UBQLNL: variants seen among roughly 807,000 people sequenced by gnomAD.
UBQLNL encodes the protein ubiquilin-like protein.
For synonymous variants in UBQLNL, 223 were observed against 209.7 expected, an observed-to-expected ratio of 1.06 and a Z score of -0.55; for missense variants, 589 against 567.1, an observed-to-expected ratio of 1.04 and a Z score of -0.39.
At position 5,515,038 on chromosome 11, in the gene UBQLNL, C is replaced by T; in HGVS notation, c.1404G>A (p.Gln468=). 2 of 1,614,006 alleles carry T rather than the reference C, an allele frequency of 1.2e-6. No homozygotes were observed. The highest frequency in any genetic ancestry group is 1.7e-6 in the Non-Finnish European group (2 of 1,179,984). The change falls in exon 1 of 1, where the codon CAG becomes CAA. Residue 468 remains glutamine (Q), a synonymous_variant. Transcript: ENST00000380184. ...QQLPTFLQQT[Q]ISDLLSA ...CCTAAGCACTAAGCAGATCAGAAATCTGTGTCTGCTGCAGGAATGTGGGCA... is the reference window on the plus strand; with the variant it reads ...CCTAAGCACTAAGCAGATCAGAAATTTGTGTCTGCTGCAGGAATGTGGGCA...
In UBQLNL at chr11:5,515,882, T is replaced by G. The variant is rs1395771284; in HGVS notation, c.560A>C (p.Asn187Thr). ...AATGAACTGCCACATGAACTCCATG[T>G]TGGACAGAAGCCGCTGGATGCTAGG... ...ENPSIQRLLS[N>T]MEFMWQFISE... The change falls in exon 1 of 1, where the codon AAC (asparagine) becomes ACC (threonine). Residue 187 changes from asparagine (N) to threonine (T), a missense_variant. Transcript: ENST00000380184. The G allele has an allele frequency of 6.2e-7, 1 of 1,614,164 alleles. No individual in the cohort carries two copies. Among genetic ancestry groups the G allele is most frequent in the Non-Finnish European group, 8.5e-7 (1 of 1,180,032 alleles).
rs140922068 is a variant in UBQLNL at position 5,515,742 on chromosome 11, T to C, written c.700A>G (p.Met234Val). 33 of 1,614,136 alleles carry C rather than the reference T, an allele frequency of 2.0e-5. No individual in the cohort carries two copies. In the African/African-American group the frequency reaches 2.5e-4, roughly 12 times the overall value. Residue 234 changes from methionine (M) to valine (V), a missense_variant, in exon 1 of 1, where the codon ATG (methionine) becomes GTG (valine). Transcript: ENST00000380184. The part of the protein sequence containing the change: ...QTLELARNLA[M>V]IQEIMQIQQP... ...TGGATCTGCATTATCTCTTGGATCA[T>C]AGCAAGGTTCCTGGCCAGCTCCAGA...
In UBQLNL at chr11:5,514,890, G is replaced by C; in HGVS notation, c.*124C>G. Reference sequence around the variant, plus strand: ...TGTGTCAGGATAGCTGCAGCTGGGGGCAGGAAGCCAACCCAGGCCCCATAG... The same window carrying C: ...TGTGTCAGGATAGCTGCAGCTGGGGCCAGGAAGCCAACCCAGGCCCCATAG... On this transcript the variant is annotated 3_prime_UTR_variant, in exon 1 of 1. Coordinates refer to ENST00000380184, the MANE Select transcript of UBQLNL (RefSeq NM_145053.5). 1.1e-6 allele frequency: 1 copy of C among 895,248 alleles called. No individual in the cohort carries two copies. Among genetic ancestry groups the C allele is most frequent in the Non-Finnish European group, 1.7e-6 (1 of 581,418 alleles). The allele number at this position is 895,248 out of a possible 1,614,324, so 55.5% of individuals were successfully genotyped here.
At position 5,515,099 on chromosome 11, in the gene UBQLNL, C is replaced by A. The variant is rs757607414; in HGVS notation, c.1343G>T (p.Ser448Ile). Residue 448 changes from serine (S) to isoleucine (I), a missense_variant, in exon 1 of 1, where the codon AGT becomes ATT. Physicochemically the swap from Ser to Ile is moderately radical, Grantham distance 142. Coordinates refer to ENST00000380184, the MANE Select transcript of UBQLNL (RefSeq NM_145053.5). ...CCACTGTTCACTCAGCTGGGGCATA[C>A]TTGTGAACAACATAATCTGAGCTGC... ...YLAAQIMLFT[S>I]MPQLSEQWRQ... 33 of 1,614,234 alleles carry A rather than the reference C, an allele frequency of 2.0e-5. No individual in the cohort carries two copies. Among genetic ancestry groups the A allele is most frequent in the Non-Finnish European group, 2.7e-5 (32 of 1,180,028 alleles).
chr11:5,515,548 C>A lies in UBQLNL; in HGVS notation c.894G>T (p.Leu298=). 1 of 1,614,076 alleles carries A rather than the reference C, an allele frequency of 6.2e-7. No homozygotes were observed. The highest frequency in any genetic ancestry group is 1.3e-5 in the African/African-American group (1 of 75,036). The part of the protein sequence containing the change: ...PFGGNPFTAL[L]AGQVLEQVQS... ...GGACTTGTTCTAGCACTTGTCCTGC[C>A]AGGAGAGCTGTGAAAGGGTTTCCTC... The change falls in exon 1 of 1, where the codon CTG becomes CTT. Residue 298 remains leucine (L), a synonymous_variant. Coordinates refer to ENST00000380184, the MANE Select transcript of UBQLNL (RefSeq NM_145053.5).
Position 5,515,776 on chromosome 11 carries a change from T to C in UBQLNL, c.666A>G (p.Leu222=), listed in dbSNP as rs746843680. 1.9e-6 allele frequency: 3 copies of C among 1,614,080 alleles called. No homozygotes were observed. The highest frequency in any genetic ancestry group is 2.5e-6 in the Non-Finnish European group (3 of 1,180,004). The change falls in exon 1 of 1, where the codon CTA becomes CTG. Residue 222 remains leucine (L), a synonymous_variant. Coordinates refer to ENST00000380184, the MANE Select transcript of UBQLNL (RefSeq NM_145053.5). ...TCCTGGCCAGCTCCAGAGTCTGCAA[T>C]AGGATCTCAGAATTATCAAGAAGAA... is the stretch of plus-strand genomic sequence containing the variant. The part of the protein sequence containing the change: ...SRLLLDNSEI[L]LQTLELARNL...
rs1846524603 is a variant in UBQLNL, at chr11:5,515,759, A to C, written c.683T>G (p.Leu228Arg). 6.2e-7 allele frequency: 1 copy of C among 1,614,032 alleles called. No individual in the cohort carries two copies. The highest frequency in any genetic ancestry group is 1.7e-5 in the Admixed American group (1 of 59,998). Residue 228 changes from leucine (L) to arginine (R), a missense_variant, in exon 1 of 1, where the codon CTG (leucine) becomes CGG (arginine). Physicochemically the swap from Leu to Arg is moderately radical, Grantham distance 102. Transcript: ENST00000380184. ...TTGGATCATAGCAAGGTTCCTGGCC[A>C]GCTCCAGAGTCTGCAATAGGATCTC... ...NSEILLQTLE[L>R]ARNLAMIQEI...
In UBQLNL at chr11:5,514,683, T is replaced by C. The variant is rs1247268580; in HGVS notation, c.*331A>G. ...GAGTGCCTGTAGATTGGCATGGTGG[T>C]TCCCAAATCCCATGGCCTGGAGAGA... On this transcript the variant is annotated 3_prime_UTR_variant, in exon 1 of 1. Coordinates refer to ENST00000380184, the MANE Select transcript of UBQLNL (RefSeq NM_145053.5). 1 of 268,006 alleles carries C rather than the reference T, an allele frequency of 3.7e-6. No homozygotes were observed. Among genetic ancestry groups the C allele is most frequent in the Non-Finnish European group, 7.1e-6 (1 of 141,640 alleles). The allele number at this position is 268,006 out of a possible 1,614,324, so 16.6% of individuals were successfully genotyped here.
rs1289117492 is a variant in UBQLNL at position 5,515,481 on chromosome 11, CTTG to C, written c.958_960del (p.Gln320del). ...GTTGCAGGATGCTGTGTGAGCTGGTCTTGTTGTTCCTGTGATGGTGGTGGAGGT... is the reference window on the plus strand; with the variant it reads ...GTTGCAGGATGCTGTGTGAGCTGGTCTTGTTCCTGTGATGGTGGTGGAGGT... On this transcript the variant is annotated inframe_deletion, in exon 1 of 1. Transcript: ENST00000380184. The C allele has an allele frequency of 8.7e-6, 14 of 1,613,866 alleles. No individual in the cohort carries two copies. The highest frequency in any genetic ancestry group is 2.2e-5 in the East Asian group (1 of 44,864).
In UBQLNL at chr11:5,516,184, G is replaced by A. The variant is rs1403852156; in HGVS notation, c.258C>T (p.Ser86=). The A allele has an allele frequency of 1.1e-5, 17 of 1,614,008 alleles. No individual in the cohort carries two copies. Among genetic ancestry groups the A allele is most frequent in the African/African-American group, 4.0e-5 (3 of 74,902 alleles). ...GCLLKDHDTL[S]QRGIMDGHTI... ...TGTGGCCATCCATGATGCCCCTCTG[G>A]CTCAGTGTGTCATGGTCTTTGAGAA... The change falls in exon 1 of 1, where the codon AGC becomes AGT. Residue 86 remains serine, a synonymous_variant. Transcript: ENST00000380184.
In UBQLNL at chr11:5,514,887, G is replaced by A. The variant is rs1846507115; in HGVS notation, c.*127C>T. ...CACTGTGTCAGGATAGCTGCAGCTG[G>A]GGGCAGGAAGCCAACCCAGGCCCCA... On this transcript the variant is annotated 3_prime_UTR_variant, in exon 1 of 1. Transcript: ENST00000380184. 1.2e-6 allele frequency: 1 copy of A among 846,100 alleles called. No individual in the cohort carries two copies. The highest frequency in any genetic ancestry group is 1.9e-6 in the Non-Finnish European group (1 of 536,988). 52.4% of individuals were successfully genotyped at this position (846,100 alleles called of 1,614,324 possible). A position where few individuals can be genotyped will look rare whatever the true frequency, so the allele number is the denominator to read the frequency against.
chr11:5,515,137 G>C lies in UBQLNL; in HGVS notation c.1305C>G (p.Asn435Lys). The change falls in exon 1 of 1, where the codon AAC (asparagine) becomes AAG (lysine). Residue 435 changes from asparagine to lysine, a missense_variant. Asn to Lys is a moderately conservative substitution (Grantham distance 94). Coordinates refer to ENST00000380184, the MANE Select transcript of UBQLNL (RefSeq NM_145053.5). ...ITGGMMQLLMNNPYLAAQIML... is the reference protein window; with the variant it reads ...ITGGMMQLLMKNPYLAAQIML... ...TAATCTGAGCTGCCAGGTAGGGGTT[G>C]TTCATAAGCAACTGCATCATGCCTC... 1 of 1,614,264 alleles carries C rather than the reference G, an allele frequency of 6.2e-7. No individual in the cohort carries two copies.
In UBQLNL at chr11:5,515,024, A is replaced by G. The variant is rs769513091; in HGVS notation, c.1418T>C (p.Leu473Pro). 2.4e-5 allele frequency: 38 copies of G among 1,613,564 alleles called. No individual in the cohort carries two copies. Among genetic ancestry groups the G allele is most frequent in the Non-Finnish European group, 3.1e-5 (37 of 1,179,914 alleles). ...ATGCTTTAGGGTTGCCTAAGCACTA[A>G]GCAGATCAGAAATCTGTGTCTGCTG... ...FLQQTQISDLLSA is the reference protein window; with the variant it reads ...FLQQTQISDLPSA Residue 473 changes from leucine (L) to proline (P), a missense_variant, in exon 1 of 1, where the codon CTT becomes CCT. Transcript: ENST00000380184.
rs776253410 is a variant in UBQLNL, at chr11:5,514,984, G to A, written c.*30C>T. The A allele has an allele frequency of 1.3e-6, 2 of 1,594,062 alleles. No homozygotes were observed. The highest frequency in any genetic ancestry group is 1.7e-5 in the Admixed American group (1 of 59,456). On this transcript the variant is annotated 3_prime_UTR_variant, in exon 1 of 1. Transcript: ENST00000380184. ...AGCAGCTGGAGGGCCTGCTCAATCT[G>A]CAATATTGCTTGGAATGCTTTAGGG...
At position 5,515,384 on chromosome 11, in the gene UBQLNL, T is replaced by C; in HGVS notation, c.1058A>G (p.Asn353Ser). The C allele has an allele frequency of 6.2e-7, 1 of 1,614,182 alleles. No homozygotes were observed. The highest frequency in any genetic ancestry group is 1.3e-5 in the African/African-American group (1 of 75,024). Residue 353 changes from asparagine to serine, a missense_variant, in exon 1 of 1, where the codon AAC becomes AGC. Asn to Ser is a conservative substitution (Grantham distance 46). Transcript: ENST00000380184. ...AGCAGTGTTGGCTTTGGAAGTGTGG[T>C]TGACCTTGTTAAGGGTGTCATTGGC... The part of the protein sequence containing the change: ...TSANDTLNKV[N>S]HTSKANTAMI...
Position 5,514,851 on chromosome 11 carries a change from C to T in UBQLNL, c.*163G>A, listed in dbSNP as rs774216381. 7.3e-6 allele frequency: 5 copies of T among 681,996 alleles called. No individual in the cohort carries two copies. Among genetic ancestry groups the T allele is most frequent in the South Asian group, 1.9e-5 (1 of 53,870 alleles). 42.2% of individuals were successfully genotyped at this position (681,996 alleles called of 1,614,324 possible). A position where few individuals can be genotyped will look rare whatever the true frequency, so the allele number is the denominator to read the frequency against. ...GGGCTCAGCTGTATCTGAAACATTCCAGGAACAGGGCACTGTGTCAGGATA... is the reference window on the plus strand; with the variant it reads ...GGGCTCAGCTGTATCTGAAACATTCTAGGAACAGGGCACTGTGTCAGGATA... On this transcript the variant is annotated 3_prime_UTR_variant, in exon 1 of 1. Transcript: ENST00000380184.
Position 5,514,881 on chromosome 11 carries a change from C to T in UBQLNL, c.*133G>A. 1 of 799,456 alleles carries T rather than the reference C, an allele frequency of 1.3e-6. No homozygotes were observed. The allele number at this position is 799,456 out of a possible 1,614,324, so 49.5% of individuals were successfully genotyped here. A position where few individuals can be genotyped will look rare whatever the true frequency, so the allele number is the denominator to read the frequency against. On this transcript the variant is annotated 3_prime_UTR_variant, in exon 1 of 1. Transcript: ENST00000380184. ...ACAGGGCACTGTGTCAGGATAGCTG[C>T]AGCTGGGGGCAGGAAGCCAACCCAG...
rs775053120 is a variant in UBQLNL, at chr11:5,515,757, C to A, written c.685G>T (p.Ala229Ser). 8 of 1,614,012 alleles carry A rather than the reference C, an allele frequency of 5.0e-6. No individual in the cohort carries two copies. Among genetic ancestry groups the A allele is most frequent in the Non-Finnish European group, 6.8e-6 (8 of 1,180,032 alleles). ...SEILLQTLEL[A>S]RNLAMIQEIM... is the part of the protein sequence containing the mutation. ...TCTTGGATCATAGCAAGGTTCCTGG[C>A]CAGCTCCAGAGTCTGCAATAGGATC... The change falls in exon 1 of 1, where the codon GCC becomes TCC. Residue 229 changes from alanine to serine, a missense_variant. Physicochemically the swap from Ala to Ser is moderately conservative, Grantham distance 99. Coordinates refer to ENST00000380184, the MANE Select transcript of UBQLNL (RefSeq NM_145053.5).
Position 5,516,281 on chromosome 11 carries a change from T to A in UBQLNL, c.161A>T (p.Gln54Leu). ...GTGAGCCAATAGCATCTCCTTGAAC[T>A]GCCTTACCGAGATGTCATCAGCTAC... ...FMVADDISVRQFKEMLLAHFQ... is the reference protein window; with the variant it reads ...FMVADDISVRLFKEMLLAHFQ... Residue 54 changes from glutamine (Q) to leucine (L), a missense_variant, in exon 1 of 1, where the codon CAG (glutamine) becomes CTG (leucine). Coordinates refer to ENST00000380184, the MANE Select transcript of UBQLNL (RefSeq NM_145053.5). 6.2e-7 allele frequency: 1 copy of A among 1,614,212 alleles called. No individual in the cohort carries two copies. Among genetic ancestry groups the A allele is most frequent in the Non-Finnish European group, 8.5e-7 (1 of 1,180,014 alleles).
Sources: allele counts gnomAD v4.1 joint callset, GRCh38; gene constraint gnomAD v4.1.1; transcripts MANE v1.5; gene names NCBI Gene and HGNC (gene_info 2026-07-23, HGNC 2026-07-21).